PTK2: variants seen among roughly 807,000 people sequenced by gnomAD.
PTK2 encodes the protein focal adhesion kinase 1.
A neutral mutation model predicts 150.1 loss-of-function variants in PTK2; 45 were observed. That is an observed-to-expected ratio of 0.30 (90% CI 0.24 to 0.38). The LOEUF is 0.38. PTK2 is among the 10% of genes least tolerant of loss of function. The pLI is 1.00. For missense variants in PTK2, 919 were observed against 1,307.3 expected (o/e 0.70, Z 4.58); for synonymous variants, 432 against 449.2 (o/e 0.96, Z 0.48).
At chr8:140,824,330 A>G (rs1285676319) in intron 8 of PTK2, among the ~76,000 whole-genome samples, 3 of 152,214 alleles carry the variant, frequency 2.0e-5, no homozygotes, top group Non-Finnish European at 4.4e-5. Flanking sequence ...AGGCGGTGTT[A>G]CCTTGCTCAT....
chr8:140,698,453 CAT>C (rs2100028184), intron 26 of PTK2, among the ~76,000 whole-genome samples: 2 of 152,016 alleles, frequency 1.3e-5, no homozygotes, highest in South Asian at 4.1e-4. Flanking sequence ...TAAATAATAA[CAT>C]ATTTTTTCTT....
chr8:140,995,668 C>A (rs1394453649), intron 1 of PTK2, among the ~76,000 whole-genome samples: 1 of 150,994 alleles, frequency 6.6e-6, no homozygotes, highest in Non-Finnish European at 1.5e-5. Flanking sequence ...AAGTAGCTGG[C>A]CATGGTGGTG....
At chr8:140,717,747 C>A (rs890604319) in intron 22 of PTK2, 38 bp from the exon 26 acceptor site, 2 of 1,557,256 alleles carry the variant, frequency 1.3e-6, no homozygotes, top group Non-Finnish European at 1.8e-6. Context: ...GAGCTGACAA[C>A]CCAGAGTTAG....
chr8:140,664,611 T>C (rs1421278048), intron 31 of PTK2, among the ~76,000 whole-genome samples: 1 of 152,196 alleles, frequency 6.6e-6, no homozygotes, highest in Non-Finnish European at 1.5e-5. Flanking sequence ...GCCTTCCTCA[T>C]CCACTGCTCA....
intron 12 of PTK2, among the ~76,000 whole-genome samples, chr8:140,796,136 T>A (rs1422615610): frequency 6.6e-6 from 1 of 152,114 alleles, no homozygotes. Context: ...CGACCACTGT[T>A]TGGTAAAGAA....
chr8:140,982,527 G>A (rs1473862011), intron 1 of PTK2, among the ~76,000 whole-genome samples: 2 of 152,070 alleles, frequency 1.3e-5, no homozygotes, highest in Admixed American at 6.6e-5. Flanking sequence ...AACCCGGGAG[G>A]CGGAGGTTGC....
In PTK2 at chr8:140,844,145, G is replaced by A. The variant is rs563071640; in HGVS notation, c.593+2115C>T. ...TTTTTATTATGAGGAAGGCCACAGA[G>A]GTAAAGTGCCTTTCTCAACACATTA... On this transcript the variant is annotated intron_variant, in intron 7 of 31. Transcript: ENST00000522684. 2.6e-5 allele frequency among the ~76,000 whole-genome samples: 4 copies of A among 152,266 alleles called. No homozygotes were observed. The South Asian group carries it at 8.3e-4, about 32-fold the overall frequency.
intron 20 of PTK2, among the ~76,000 whole-genome samples, chr8:140,740,584 C>A (rs890726428): frequency 1.3e-5 from 2 of 152,126 alleles, no homozygotes; most frequent in African/African-American, 4.8e-5. Flanking sequence ...CACTTATTAA[C>A]CTTTCTGAGA....
chr8:141,001,288 G>T (rs1373900867), upstream of PTK2: 1 of 147,264 alleles, frequency 6.8e-6, no homozygotes, highest in Non-Finnish European at 1.5e-5. Context: ...GCCGTGCTGC[G>T]TCGGCGCGGG....
chr8:140,865,256 G>C (rs1161825662), intron 4 of PTK2, among the ~76,000 whole-genome samples: 1 of 152,184 alleles, frequency 6.6e-6, no homozygotes, highest in Non-Finnish European at 1.5e-5. Flanking sequence ...TAGAGAGAGG[G>C]TCTCACTATG....
At chr8:140,786,156 A>G (rs931227064) in intron 14 of PTK2, among the ~76,000 whole-genome samples, 2 of 152,194 alleles carry the variant, frequency 1.3e-5, no homozygotes, top group African/African-American at 4.8e-5. Context: ...TGTAAAACTG[A>G]GGTCTCTTCA....
At chr8:141,000,146 C>T (rs1172510047) in intron 1 of PTK2, among the ~76,000 whole-genome samples, 3 of 140,654 alleles carry the variant, frequency 2.1e-5, no homozygotes, top group East Asian at 2.3e-4. Flanking sequence ...TAAGAAAGAA[C>T]AGGATGCCGC....
chr8:140,962,844 A>T (rs1227015552), intron 1 of PTK2, among the ~76,000 whole-genome samples: 1 of 150,572 alleles, frequency 6.6e-6, no homozygotes, highest in Admixed American at 6.6e-5. Context: ...CACTCATGGC[A>T]ATCCTACAAA....
chr8:140,810,965 C>A (rs2100101192), intron 10 of PTK2, among the ~76,000 whole-genome samples: 1 of 152,214 alleles, frequency 6.6e-6, no homozygotes, highest in Admixed American at 6.5e-5. Context: ...AACCCCCCAC[C>A]CAAACCGTGC....
intron 22 of PTK2, among the ~76,000 whole-genome samples, chr8:140,725,980 A>C (rs2100045530): frequency 6.6e-6 from 1 of 152,208 alleles, no homozygotes; most frequent in Non-Finnish European, 1.5e-5. Context: ...AGGGTATAAA[A>C]GAAAATTTAT....
At chr8:140,729,088 G>GA (rs949915018) in intron 22 of PTK2, among the ~76,000 whole-genome samples, 44 of 151,978 alleles carry the variant, frequency 2.9e-4, no homozygotes, top group African/African-American at 1.0e-3. Context: ...AAAAAAGTAA[G>GA]AAAATCTGTC....
intron 1 of PTK2, among the ~76,000 whole-genome samples, chr8:140,966,957 A>C (rs150744549): frequency 2.0e-5 from 3 of 152,256 alleles, no homozygotes; most frequent in East Asian, 3.9e-4. Context: ...GCACAATCCA[A>C]CTTGGCCAGC....
chr8:140,880,048 A>G (rs1042808103), intron 3 of PTK2, among the ~76,000 whole-genome samples: 1 of 152,156 alleles, frequency 6.6e-6, no homozygotes, highest in African/African-American at 2.4e-5. Context: ...ACTTTCAAAA[A>G]CAGGGAGATC....
exon 18 of PTK2, chr8:140,746,777 G>T: frequency 6.2e-7 from 1 of 1,611,618 alleles, no homozygotes; most frequent in East Asian, 2.2e-5. Context: ...AGTGTGCACA[G>T]CTCCATGATT....
Sources: gnomAD v4.1 joint callset for allele counts (sites outside exome capture counted in the v4.1 genomes callset) on GRCh38, gnomAD v4.1.1 for gene constraint, MANE v1.5 for transcripts, NCBI Gene and HGNC (gene_info 2026-07-23, HGNC 2026-07-21) for gene names.